Variants in PLXDC1 observed in about 807,000 individuals in gnomAD.
PLXDC1 encodes the protein plexin domain containing 1.
PLXDC1 carries 39 observed loss-of-function variants against 61.3 expected under a neutral mutation model. The observed-to-expected ratio is 0.64, with a 90% confidence interval of 0.49 to 0.83. The LOEUF is 0.83. PLXDC1 is among the 40% of genes least tolerant of loss of function. The probability of loss-of-function intolerance (pLI) is 0.00; values close to 1 mark genes in which losing one functional copy is unlikely to be tolerated. For missense variants in PLXDC1, 596 were observed against 666.5 expected, an observed-to-expected ratio of 0.89 and a Z score of 1.17; for synonymous variants, 212 against 254.5, an observed-to-expected ratio of 0.83 and a Z score of 1.59.
intron 2 of PLXDC1, among the ~76,000 whole-genome samples, chr17:39,128,173 G>GTGTATATGTATA (rs1555573220): frequency 3.4e-5 from 3 of 89,088 alleles, no homozygotes; most frequent in African/African-American, 1.2e-4. Context: ...GTATATATAT[G>GTGTATATGTATA]TATATATATA....
intron 1 of PLXDC1, among the ~76,000 whole-genome samples, chr17:39,142,106 A>G (rs1308702746): frequency 6.6e-6 from 1 of 152,176 alleles, no homozygotes; most frequent in Non-Finnish European, 1.5e-5. Flanking sequence ...AAATGCCAGT[A>G]GCACCACGCT....
Position 39,090,297 on chromosome 17 carries a change from G to A in PLXDC1, c.812-2595C>T, listed in dbSNP as rs113818666. ...TGAAAAGAAGACTACTCTGGCATTGGTGTCAATAAAGATTCCCTGGAGCTG... is the reference window on the plus strand; with the variant it reads ...TGAAAAGAAGACTACTCTGGCATTGATGTCAATAAAGATTCCCTGGAGCTG... On this transcript the variant is annotated intron_variant, in intron 7 of 13. Transcript: ENST00000315392. Among the ~76,000 whole-genome samples, 469 of 152,212 alleles carry A rather than the reference G, an allele frequency of 3.1e-3. 1 individual carries two copies. The highest frequency in any genetic ancestry group is 0.011 in the African/African-American group (464 of 41,526).
At chr17:39,134,956 C>T (rs73983219) in intron 2 of PLXDC1, among the ~76,000 whole-genome samples, 4,123 of 152,286 alleles carry the variant, frequency 0.027, 195 homozygotes, top group African/African-American at 0.094. Flanking sequence ...CCACTTTATG[C>T]GCCTGACTCA....
At chr17:39,082,419 G>T (rs992900460) in intron 9 of PLXDC1, among the ~76,000 whole-genome samples, 1 of 152,094 alleles carries the variant, frequency 6.6e-6, no homozygotes, top group African/African-American at 2.4e-5. Flanking sequence ...AAAAAAATTA[G>T]CTGGGTGTGG....
intron 2 of PLXDC1, among the ~76,000 whole-genome samples, chr17:39,115,788 C>G (rs1311478524): frequency 6.6e-6 from 1 of 152,086 alleles, no homozygotes; most frequent in African/African-American, 2.4e-5. Flanking sequence ...TAATATTAGT[C>G]CCATTTTCTC....
intron 9 of PLXDC1, chr17:39,080,111 GAACTA>G (rs1201019171): frequency 6.5e-6 from 1 of 154,214 alleles, no homozygotes; most frequent in Non-Finnish European, 1.4e-5. Flanking sequence ...TGGAGGCTGA[GAACTA>G]AAGTTTCTTT....
rs767670532 is a variant in PLXDC1 at position 39,069,915 on chromosome 17, G to A, written c.1324C>T (p.Leu442=). ...LAVLLVAAII[L]AGIYINGHPT... is the part of the protein sequence containing the mutation. Reference sequence around the variant, plus strand: ...TGGCCATTGATGTAAATTCCAGCCAGGATGATGGCCGCCACGAGGAGGACT... The same window carrying A: ...TGGCCATTGATGTAAATTCCAGCCAAGATGATGGCCGCCACGAGGAGGACT... The change falls in exon 13 of 14, where the codon CTG becomes TTG. Residue 442 remains leucine, a synonymous_variant. Coordinates refer to ENST00000315392, the MANE Select transcript of PLXDC1 (RefSeq NM_020405.5). 1 of 1,613,794 alleles carries A rather than the reference G, an allele frequency of 6.2e-7. No homozygotes were observed. Among genetic ancestry groups the A allele is most frequent in the South Asian group, 1.1e-5 (1 of 91,072 alleles).
chr17:39,121,381 G>A (rs1911157027), intron 2 of PLXDC1, among the ~76,000 whole-genome samples: 1 of 152,178 alleles, frequency 6.6e-6, no homozygotes, highest in Non-Finnish European at 1.5e-5. Context: ...GGCTTCTTGG[G>A]TTTGTGTTTT....
rs550738888 is a variant in PLXDC1, at chr17:39,129,553, G to A, written c.255+10101C>T. Among the ~76,000 whole-genome samples the A allele has an allele frequency of 2.6e-5, 4 of 151,422 alleles. No individual in the cohort carries two copies. In the East Asian group the frequency reaches 5.8e-4, roughly 22 times the overall value. On this transcript the variant is annotated intron_variant, in intron 2 of 13. Transcript: ENST00000315392. ...AATCGTTTGAACCCGGGAGGCGGAGGTTGCAGTGAGCTGAGATTGCGCCAC... is the reference window on the plus strand; with the variant it reads ...AATCGTTTGAACCCGGGAGGCGGAGATTGCAGTGAGCTGAGATTGCGCCAC...
At chr17:39,101,477 A>T (rs915481226) in intron 7 of PLXDC1, among the ~76,000 whole-genome samples, 7 of 152,142 alleles carry the variant, frequency 4.6e-5, no homozygotes, top group Admixed American at 2.6e-4. Flanking sequence ...GGGCCCTAAA[A>T]AGGGAGACGG....
intron 4 of PLXDC1, 149 bp downstream of exon 4, chr17:39,108,755 C>T (rs909767829): frequency 6.2e-6 from 4 of 640,806 alleles, no homozygotes; most frequent in African/African-American, 5.4e-5. Context: ...CCACTGACCC[C>T]CCTCCTGAGA....
In PLXDC1 at chr17:39,064,604, G is replaced by A. The variant is rs1908825909; in HGVS notation, c.*3236C>T. On this transcript the variant is annotated 3_prime_UTR_variant, in exon 14 of 14. Coordinates refer to ENST00000315392, the MANE Select transcript of PLXDC1 (RefSeq NM_020405.5). ...GAGTTAAGTGTAAGGGAATCTGGTCGGGGGTGGACCAATAACCAGACTCAT... is the reference window on the plus strand; with the variant it reads ...GAGTTAAGTGTAAGGGAATCTGGTCAGGGGTGGACCAATAACCAGACTCAT... 2.0e-5 allele frequency: 3 copies of A among 152,176 alleles called. No individual in the cohort carries two copies. Among genetic ancestry groups the A allele is most frequent in the South Asian group, 2.1e-4 (1 of 4,824 alleles). 9.4% of individuals were successfully genotyped at this position (152,176 alleles called of 1,614,324 possible).
In PLXDC1 at chr17:39,065,248, A is replaced by T. The variant is rs1908850136; in HGVS notation, c.*2592T>A. On this transcript the variant is annotated 3_prime_UTR_variant, in exon 14 of 14. Coordinates refer to ENST00000315392, the MANE Select transcript of PLXDC1 (RefSeq NM_020405.5). ...GGCCTGTTTGTTTATGACAAAAAGT[A>T]CTAGAGATGTGTCACCAAGAGAGGC... 1 of 152,174 alleles carries T rather than the reference A, an allele frequency of 6.6e-6. No individual in the cohort carries two copies. The allele number at this position is 152,174 out of a possible 1,614,324, so 9.4% of individuals were successfully genotyped here. A position where few individuals can be genotyped will look rare whatever the true frequency, so the allele number is the denominator to read the frequency against.
At position 39,109,387 on chromosome 17, in the gene PLXDC1, T is replaced by C; in HGVS notation, c.260A>G (p.Asp87Gly). Residue 87 changes from aspartate (D) to glycine (G), a missense_variant, in exon 3 of 14, where the codon GAC (aspartate) becomes GGC (glycine). Transcript: ENST00000315392. The stretch of plus-strand genomic sequence containing the variant: ...ACGGGACACATAATAGCTGTGGTTG[T>C]CCTCCTGCCGGCACCCAAGATAAAG... ...LPDNRTRVVE[D>G]NHSYYVSRLY... The C allele has an allele frequency of 6.3e-7, 1 of 1,587,600 alleles. No individual in the cohort carries two copies. Among genetic ancestry groups the C allele is most frequent in the Non-Finnish European group, 8.6e-7 (1 of 1,167,722 alleles).
rs1269654644 is a variant in PLXDC1, at chr17:39,087,079, C to T, written c.907+528G>A. ...TCCACCGCGGATCCTGTGGGCTCCA[C>T]AACAGCAGGTGGCTGCCTTCAGCAT... On this transcript the variant is annotated intron_variant, in intron 8 of 13. Transcript: ENST00000315392. Among the ~76,000 whole-genome samples the T allele has an allele frequency of 3.9e-5, 6 of 152,276 alleles. No individual in the cohort carries two copies. In the East Asian group the frequency reaches 1.2e-3, roughly 29 times the overall value.
intron 7 of PLXDC1, among the ~76,000 whole-genome samples, chr17:39,093,120 T>G (rs1324262577): frequency 6.6e-6 from 1 of 152,216 alleles, no homozygotes; most frequent in African/African-American, 2.4e-5. Flanking sequence ...CAGGCTGGAG[T>G]GCCGTGGTGC....
At chr17:39,139,864 G>C in intron 1 of PLXDC1, 32 bp from the exon 2 acceptor site, 2 of 1,570,474 alleles carry the variant, frequency 1.3e-6, no homozygotes, top group South Asian at 2.3e-5. Context: ...CTGAGTGCCA[G>C]CAGTCCGGAA....
intron 3 of PLXDC1, 59 bp from the exon 4 acceptor site, chr17:39,109,032 C>T: frequency 7.2e-7 from 1 of 1,389,648 alleles, no homozygotes; most frequent in Non-Finnish European, 1.0e-6. Context: ...GCCTGGGCAC[C>T]CACACTGCCT....
At chr17:39,134,949 C>T (rs1024864376) in intron 2 of PLXDC1, among the ~76,000 whole-genome samples, 1 of 152,220 alleles carries the variant, frequency 6.6e-6, no homozygotes, top group Non-Finnish European at 1.5e-5. Context: ...TTGGCAGCCA[C>T]TTTATGCGCC....
Sources: allele counts gnomAD v4.1 joint callset (sites outside exome capture counted in the v4.1 genomes callset), GRCh38; gene constraint gnomAD v4.1.1; transcripts MANE v1.5; gene names NCBI Gene and HGNC (gene_info 2026-07-23, HGNC 2026-07-21).